Variants in L3MBTL4 observed in about 807,000 individuals in gnomAD.
L3MBTL4 encodes lethal(3)malignant brain tumor-like protein 4.
L3MBTL4 carries 70 observed loss-of-function variants against 84.5 expected under a neutral mutation model. The ratio of observed to expected loss-of-function variants is 0.83; its 90% CI spans 0.68 to 1.01. L3MBTL4 has a LOEUF of 1.01. L3MBTL4 is among the 50% of genes least tolerant of loss of function. The pLI is 0.00. For synonymous variants in L3MBTL4, 274 were observed against 259.8 expected (o/e 1.05, Z -0.52); for missense variants, 715 against 754.8 (o/e 0.95, Z 0.62).
At position 5,969,296 on chromosome 18, in the gene L3MBTL4, G is replaced by A. The variant is rs192223216; in HGVS notation, c.1614+97C>T. On this transcript the variant is annotated intron_variant, in intron 17 of 18. Coordinates refer to ENST00000317931, the MANE Select transcript of L3MBTL4 (RefSeq NM_001330559.2). Reference sequence around the variant, plus strand: ...ATGCGATGCCTAAGAGAAAAAGGGCGCTGTCCCAGACATCAAAGAATGGTC... The same window carrying A: ...ATGCGATGCCTAAGAGAAAAAGGGCACTGTCCCAGACATCAAAGAATGGTC... 4.9e-4 allele frequency: 662 copies of A among 1,338,660 alleles called. 1 individual carries two copies. In the African/African-American group the frequency reaches 8.8e-3, roughly 18 times the overall value. 82.9% of individuals were successfully genotyped at this position (1,338,660 alleles called of 1,614,324 possible). A position where few individuals can be genotyped will look rare whatever the true frequency, so the allele number is the denominator to read the frequency against.
chr18:6,176,814 T>C (rs1451802532), intron 12 of L3MBTL4, among the ~76,000 whole-genome samples: 1 of 151,966 alleles, frequency 6.6e-6, no homozygotes, highest in East Asian at 1.9e-4. Flanking sequence ...GACAAAAAAT[T>C]CAATGTAAAA....
chr18:6,048,613 A>T (rs1304581711), intron 16 of L3MBTL4, among the ~76,000 whole-genome samples: 1 of 152,070 alleles, frequency 6.6e-6, no homozygotes, highest in Admixed American at 6.5e-5. Context: ...CCTGGCCAAC[A>T]TGATGAAACC....
chr18:6,343,787 C>A (rs1443713893), intron 1 of L3MBTL4, among the ~76,000 whole-genome samples: 3 of 151,070 alleles, frequency 2.0e-5, no homozygotes, highest in Non-Finnish European at 4.4e-5. Context: ...ACTTAAGCAA[C>A]ATGCTCCTGA....
At chr18:6,183,964 C>CACAA (rs150042656) in intron 12 of L3MBTL4, among the ~76,000 whole-genome samples, 11,522 of 152,014 alleles carry the variant, frequency 0.076, 1,444 homozygotes, top group African/African-American at 0.26. Context: ...AAATTTATTG[C>CACAA]ACAGTTATAT....
intron 14 of L3MBTL4, among the ~76,000 whole-genome samples, chr18:6,131,923 T>C (rs2059891075): frequency 6.6e-6 from 1 of 152,158 alleles, no homozygotes; most frequent in Non-Finnish European, 1.5e-5. Context: ...TGCAAGAGAA[T>C]TTTAGTAAAT....
chr18:6,081,844 T>C (rs1006480356), intron 15 of L3MBTL4, among the ~76,000 whole-genome samples: 4 of 152,246 alleles, frequency 2.6e-5, no homozygotes, highest in African/African-American at 9.6e-5. Context: ...AAGTATATCA[T>C]GGCAGAAATG....
chr18:6,065,403 A>C (rs1454213109), intron 16 of L3MBTL4, among the ~76,000 whole-genome samples: 1 of 151,936 alleles, frequency 6.6e-6, no homozygotes, highest in Non-Finnish European at 1.5e-5. Context: ...ATCTTTTGGA[A>C]CTGTTTCAGT....
At chr18:6,160,848 C>G (rs371842876) in intron 13 of L3MBTL4, among the ~76,000 whole-genome samples, 2 of 151,914 alleles carry the variant, frequency 1.3e-5, no homozygotes, top group African/African-American at 4.8e-5. Flanking sequence ...ATTTCCCACG[C>G]AAGAAAAACT....
chr18:6,300,997 C>T (rs1348742106), intron 4 of L3MBTL4, among the ~76,000 whole-genome samples: 3 of 152,110 alleles, frequency 2.0e-5, no homozygotes, highest in African/African-American at 7.2e-5. Context: ...TAAAGCACCA[C>T]CCATTTGTTT....
chr18:6,376,818 G>A (rs2054389765), intron 1 of L3MBTL4, among the ~76,000 whole-genome samples: 1 of 152,160 alleles, frequency 6.6e-6, no homozygotes. Context: ...ACAGTGTATG[G>A]CCCTTGCTAA....
chr18:6,316,606 C>T (rs2051113371), intron 1 of L3MBTL4, among the ~76,000 whole-genome samples: 2 of 152,178 alleles, frequency 1.3e-5, no homozygotes, highest in Admixed American at 6.5e-5. Context: ...ACAGCATCCT[C>T]ACATTAGGAG....
intron 16 of L3MBTL4, chr18:6,031,101 T>TGA: frequency 1.0e-6 from 1 of 985,458 alleles, no homozygotes; most frequent in Non-Finnish European, 1.2e-6. Flanking sequence ...CTGGGGTTTG[T>TGA]GATCATGGAG....
intron 17 of L3MBTL4, among the ~76,000 whole-genome samples, chr18:5,966,574 T>C (rs774581940): frequency 2.2e-4 from 34 of 152,184 alleles, no homozygotes; most frequent in Non-Finnish European, 4.4e-4. Flanking sequence ...TGCACCTTGG[T>C]AACCTCTGCC....
chr18:6,315,829 C>T (rs2051064315), intron 1 of L3MBTL4, among the ~76,000 whole-genome samples: 1 of 152,154 alleles, frequency 6.6e-6, no homozygotes, highest in African/African-American at 2.4e-5. Flanking sequence ...ATGGCAGCCA[C>T]CTACTCTCAT....
At chr18:6,199,209 C>A (rs2045540724) in intron 12 of L3MBTL4, among the ~76,000 whole-genome samples, 1 of 152,178 alleles carries the variant, frequency 6.6e-6, no homozygotes, top group Non-Finnish European at 1.5e-5. Flanking sequence ...TAATCAGCCC[C>A]CTCATGCCTA....
chr18:6,370,483 G>A (rs1599808872), intron 1 of L3MBTL4, among the ~76,000 whole-genome samples: 1 of 152,180 alleles, frequency 6.6e-6, no homozygotes, highest in Non-Finnish European at 1.5e-5. Context: ...CCGTCTATGA[G>A]CAGCTGTGGG....
At chr18:6,066,806 AT>A (rs2057414306) in intron 16 of L3MBTL4, among the ~76,000 whole-genome samples, 1 of 151,812 alleles carries the variant, frequency 6.6e-6, no homozygotes, top group African/African-American at 2.4e-5. Context: ...TTTTTTATGC[AT>A]TCTGCCATTC....
chr18:6,406,240 G>A (rs1018568075), intron 1 of L3MBTL4, among the ~76,000 whole-genome samples: 2 of 152,156 alleles, frequency 1.3e-5, no homozygotes, highest in Admixed American at 1.3e-4. Flanking sequence ...GGATAAATGT[G>A]GGCAAATTGG....
intron 1 of L3MBTL4, among the ~76,000 whole-genome samples, chr18:6,371,252 C>A (rs1262932636): frequency 2.6e-5 from 4 of 152,180 alleles, no homozygotes; most frequent in Admixed American, 1.3e-4. Flanking sequence ...CTTGCCACCC[C>A]CTGGCTTACA....
Sources: allele counts gnomAD v4.1 joint callset (sites outside exome capture counted in the v4.1 genomes callset), GRCh38; gene constraint gnomAD v4.1.1; transcripts MANE v1.5; gene names NCBI Gene and HGNC (gene_info 2026-07-23, HGNC 2026-07-21).